Variants in NRG3 observed in about 807,000 individuals in gnomAD.
NRG3 encodes the protein neuregulin 3.
A neutral mutation model predicts 66.9 loss-of-function variants in NRG3; 31 were observed. The observed-to-expected ratio is 0.46, with a 90% CI of 0.35 to 0.63. The LOEUF (loss-of-function observed/expected upper bound fraction) is 0.63, where lower values mean the gene tolerates loss of function less well. Among genes scored for constraint, NRG3 ranks in the 20% least tolerant of loss-of-function variants. The pLI is 0.00. For missense variants in NRG3, 910 were observed against 878.9 expected, an observed-to-expected ratio of 1.04 and a Z score of -0.45; for synonymous variants, 393 against 359.4, an observed-to-expected ratio of 1.09 and a Z score of -1.06.
chr10:82,052,148 C>G (rs945518178), intron 1 of NRG3, among the ~76,000 whole-genome samples: 1 of 150,728 alleles, frequency 6.6e-6, no homozygotes, highest in Non-Finnish European at 1.5e-5. Flanking sequence ...CAATACTAAA[C>G]ACAATGAATA....
At chr10:81,934,037 A>G (rs1305872543) in intron 1 of NRG3, among the ~76,000 whole-genome samples, 1 of 152,196 alleles carries the variant, frequency 6.6e-6, no homozygotes, top group Non-Finnish European at 1.5e-5. Context: ...TTAATTTTAT[A>G]TAATTTATTT....
intron 1 of NRG3, among the ~76,000 whole-genome samples, chr10:81,957,582 A>G (rs1273840871): frequency 1.3e-5 from 2 of 152,220 alleles, no homozygotes; most frequent in African/African-American, 4.8e-5. Context: ...TTGTAATAGC[A>G]GGGACCTGGT....
At chr10:82,145,123 T>C (rs1358363761) in intron 1 of NRG3, among the ~76,000 whole-genome samples, 14 of 152,154 alleles carry the variant, frequency 9.2e-5, no homozygotes, top group Non-Finnish European at 8.8e-5. Context: ...ACTGGTGTCA[T>C]AACCCATTGC....
intron 1 of NRG3, among the ~76,000 whole-genome samples, chr10:81,983,655 C>G (rs2060417862): frequency 6.6e-6 from 1 of 152,176 alleles, no homozygotes; most frequent in South Asian, 2.1e-4. Flanking sequence ...ACGTTGTCTT[C>G]ACCAAGGGTA....
At chr10:82,381,490 C>T (rs922172282) in intron 2 of NRG3, among the ~76,000 whole-genome samples, 3 of 152,202 alleles carry the variant, frequency 2.0e-5, no homozygotes, top group South Asian at 2.1e-4. Flanking sequence ...CTCGTCCAAG[C>T]GGCAGAGCAA....
At chr10:82,816,678 C>T (rs1320298164) in intron 3 of NRG3, among the ~76,000 whole-genome samples, 1 of 152,170 alleles carries the variant, frequency 6.6e-6, no homozygotes, top group African/African-American at 2.4e-5. Flanking sequence ...ATCATGTTGT[C>T]CATAGTGCCC....
At chr10:81,920,594 A>T (rs1182174801) in intron 1 of NRG3, among the ~76,000 whole-genome samples, 1 of 152,172 alleles carries the variant, frequency 6.6e-6, no homozygotes, top group East Asian at 1.9e-4. Flanking sequence ...GAAAATTTTG[A>T]TATAGGTTTA....
intron 3 of NRG3, among the ~76,000 whole-genome samples, chr10:82,810,667 GC>G (rs1185782832): frequency 1.3e-5 from 2 of 150,820 alleles, no homozygotes; most frequent in African/African-American, 4.9e-5. Context: ...GGAGGCGGAG[GC>G]AGGAGAATCA....
At chr10:82,782,689 G>C (rs112072976) in intron 3 of NRG3, among the ~76,000 whole-genome samples, 1 of 151,968 alleles carries the variant, frequency 6.6e-6, no homozygotes, top group African/African-American at 2.4e-5. Context: ...ATTCTGGTGA[G>C]GGCTTAGAAA....
intron 6 of NRG3, among the ~76,000 whole-genome samples, chr10:82,966,827 G>T (rs1039215724): frequency 6.6e-6 from 1 of 151,732 alleles, no homozygotes; most frequent in Non-Finnish European, 1.5e-5. Flanking sequence ...ACTATGTTAC[G>T]TTCTCATCAG....
At chr10:82,494,302 C>G (rs1401647478) in intron 2 of NRG3, among the ~76,000 whole-genome samples, 1 of 152,148 alleles carries the variant, frequency 6.6e-6, no homozygotes, top group African/African-American at 2.4e-5. Context: ...TCTACCTCTC[C>G]TCCGCAAAGA....
intron 1 of NRG3, among the ~76,000 whole-genome samples, chr10:81,942,073 A>G (rs973456489): frequency 3.3e-5 from 5 of 152,032 alleles, no homozygotes; most frequent in Non-Finnish European, 5.9e-5. Context: ...AGTTATTCCT[A>G]TACTTTAAAA....
In NRG3 at chr10:82,895,553, C is replaced by T. The variant is rs543948490; in HGVS notation, c.1054+30116C>T. On this transcript the variant is annotated intron_variant, in intron 4 of 8. Transcript: ENST00000372141. Reference sequence around the variant, plus strand: ...TCACCCAGGCTGGAGTGCAGTGGCACGATCTCGGCTCACTGCAAGCTCTGC... The same window carrying T: ...TCACCCAGGCTGGAGTGCAGTGGCATGATCTCGGCTCACTGCAAGCTCTGC... Among the ~76,000 whole-genome samples, 15 of 146,690 alleles carry T rather than the reference C, an allele frequency of 1.0e-4. No homozygotes were observed. In the East Asian group the frequency reaches 2.3e-3, roughly 23 times the overall value.
chr10:82,202,736 GT>G (rs1185956842), intron 1 of NRG3, among the ~76,000 whole-genome samples: 1 of 152,154 alleles, frequency 6.6e-6, no homozygotes, highest in East Asian at 1.9e-4. Flanking sequence ...CCCTGTTGAG[GT>G]TTTTTTTGTG....
intron 1 of NRG3, among the ~76,000 whole-genome samples, chr10:82,242,480 C>G (rs1433938846): frequency 6.6e-6 from 1 of 152,064 alleles, no homozygotes; most frequent in African/African-American, 2.4e-5. Flanking sequence ...CTTTGAGTAA[C>G]CACTATGTGC....
At chr10:82,448,515 A>T (rs1221809322) in intron 2 of NRG3, among the ~76,000 whole-genome samples, 1 of 152,192 alleles carries the variant, frequency 6.6e-6, no homozygotes, top group Non-Finnish European at 1.5e-5. Context: ...TTATTAATAT[A>T]CTTTTGTGGA....
At chr10:82,939,694 C>A (rs1848419687) in intron 4 of NRG3, among the ~76,000 whole-genome samples, 1 of 152,042 alleles carries the variant, frequency 6.6e-6, no homozygotes, top group Non-Finnish European at 1.5e-5. Context: ...TGGTCTCCAT[C>A]TCCTGACCTC....
At chr10:82,260,326 G>GT (rs1564722621) in intron 1 of NRG3, among the ~76,000 whole-genome samples, 2 of 152,192 alleles carry the variant, frequency 1.3e-5, no homozygotes, top group Admixed American at 1.3e-4. Flanking sequence ...AGCTAGAGTT[G>GT]TAAGTGCAGC....
At chr10:82,574,858 A>G (rs575705476) in intron 2 of NRG3, among the ~76,000 whole-genome samples, 6 of 151,912 alleles carry the variant, frequency 3.9e-5, no homozygotes, top group African/African-American at 1.4e-4. Context: ...AATGTCATTT[A>G]CATGTGAAAT....
Sources: gnomAD v4.1 joint callset for allele counts (sites outside exome capture counted in the v4.1 genomes callset) on GRCh38, gnomAD v4.1.1 for gene constraint, MANE v1.5 for transcripts, NCBI Gene and HGNC (gene_info 2026-07-23, HGNC 2026-07-21) for gene names.